RTL4: variants seen among roughly 807,000 people sequenced by gnomAD.
RTL4 encodes the protein retrotransposon Gag like 4.
A neutral mutation model predicts 5.3 loss-of-function variants in RTL4; 4 were observed. The ratio of observed to expected loss-of-function variants is 0.75; its 90% CI spans 0.37 to 1.72. RTL4 has a LOEUF of 1.72. Among genes scored for constraint, RTL4 ranks in the 40% most tolerant of loss-of-function variants. The pLI, the probability that RTL4 is intolerant of heterozygous loss-of-function variation, is 0.04. For missense variants in RTL4, 260 were observed against 227.1 expected (o/e 1.14, Z -0.93); for synonymous variants, 98 against 87.3 (o/e 1.12, Z -0.68).
At chrX:112,328,624 C>T in the RTL4 span, among the ~76,000 whole-genome samples, 1 of 111,189 alleles carries the variant, frequency 9.0e-6, no homozygotes, top group Non-Finnish European at 1.9e-5. Context: ...ACAAGGATAC[C>T]CAGGAATTGA....
the RTL4 span, among the ~76,000 whole-genome samples, chrX:112,102,691 T>C: frequency 1.8e-5 from 2 of 111,560 alleles, no homozygotes; most frequent in Non-Finnish European, 3.8e-5. Flanking sequence ...TCTATCCACT[T>C]ACCAAAGGAC....
At chrX:112,278,797 G>A in the RTL4 span, among the ~76,000 whole-genome samples, 1 of 110,423 alleles carries the variant, frequency 9.1e-6, no homozygotes, top group Non-Finnish European at 1.9e-5. Context: ...GGGAACAGAG[G>A]CTATACAAGG....
the RTL4 span, among the ~76,000 whole-genome samples, chrX:112,279,235 C>A: frequency 1.8e-5 from 2 of 111,109 alleles, no homozygotes; most frequent in Non-Finnish European, 3.8e-5. Flanking sequence ...AATTAGTGCC[C>A]AGCACAATGA....
the RTL4 span, among the ~76,000 whole-genome samples, chrX:112,104,593 G>A: frequency 1.2e-3 from 133 of 111,805 alleles, no homozygotes; most frequent in African/African-American, 4.1e-3. Flanking sequence ...AGCCATTGTA[G>A]CATGTGTGAG....
chrX:112,441,953 G>A, the RTL4 span, among the ~76,000 whole-genome samples: 1 of 111,971 alleles, frequency 8.9e-6, no homozygotes, highest in Non-Finnish European at 1.9e-5. Flanking sequence ...AAGAAATGAA[G>A]TACTGAGACA....
chrX:112,208,904 C>A, the RTL4 span, among the ~76,000 whole-genome samples: 12 of 112,401 alleles, frequency 1.1e-4, no homozygotes, highest in African/African-American at 3.2e-4. Context: ...TCTGTCCATA[C>A]TCTAAGACCT....
chrX:112,331,601 T>G, the RTL4 span, among the ~76,000 whole-genome samples: 32 of 106,421 alleles, frequency 3.0e-4, no homozygotes, highest in Admixed American at 4.1e-4. Context: ...TCAGTGTGGC[T>G]ATTCCTCAGG....
chrX:112,302,258 TA>T, the RTL4 span, among the ~76,000 whole-genome samples: 378 of 83,383 alleles, frequency 4.5e-3, 1 homozygote, highest in Middle Eastern at 0.013. Flanking sequence ...AAGACTCTGT[TA>T]AAAAAAAAAA....
the RTL4 span, among the ~76,000 whole-genome samples, chrX:112,222,099 A>T: frequency 1.8e-5 from 2 of 111,817 alleles, no homozygotes; most frequent in East Asian, 5.6e-4. Flanking sequence ...TGTCATGAAG[A>T]GCTAAGGACA....
At chrX:112,204,928 A>G in the RTL4 span, among the ~76,000 whole-genome samples, 4 of 111,766 alleles carry the variant, frequency 3.6e-5, no homozygotes. Context: ...CCCCATAAAT[A>G]TATACACATA....
the RTL4 span, among the ~76,000 whole-genome samples, chrX:112,224,219 T>C: frequency 2.4e-4 from 27 of 111,750 alleles, no homozygotes; most frequent in African/African-American, 8.8e-4. Flanking sequence ...ATAGCACAGC[T>C]TCATATTTTG....
At chrX:112,433,612 T>C in the RTL4 span, among the ~76,000 whole-genome samples, 1 of 55,402 alleles carries the variant, frequency 1.8e-5, no homozygotes, top group Non-Finnish European at 3.2e-5. Flanking sequence ...AAGTTGCTTA[T>C]CAGCTTAAGG....
chrX:112,330,836 C>T, the RTL4 span, among the ~76,000 whole-genome samples: 1 of 110,855 alleles, frequency 9.0e-6, no homozygotes. Flanking sequence ...AGAACAGAGC[C>T]CTCAAAAATA....
the RTL4 span, among the ~76,000 whole-genome samples, chrX:112,181,082 G>A: frequency 1.3e-4 from 14 of 111,798 alleles, no homozygotes; most frequent in African/African-American, 4.2e-4. Context: ...AAGGCGTCAG[G>A]GAACTCCCTC....
the RTL4 span, among the ~76,000 whole-genome samples, chrX:112,236,542 CAG>C: frequency 7.3e-5 from 7 of 96,420 alleles, no homozygotes; most frequent in Admixed American, 2.3e-4. Flanking sequence ...TCTGTGAAGA[CAG>C]AGTTTGAATG....
At chrX:112,319,267 T>A in the RTL4 span, among the ~76,000 whole-genome samples, 1 of 111,967 alleles carries the variant, frequency 8.9e-6, no homozygotes, top group African/African-American at 3.2e-5. Flanking sequence ...CTTCATGCAT[T>A]GTACAGTACC....
At chrX:112,250,112 TA>T in the RTL4 span, among the ~76,000 whole-genome samples, 3 of 108,650 alleles carry the variant, frequency 2.8e-5, no homozygotes, top group African/African-American at 1.0e-4. Flanking sequence ...CCGTCTCTAC[TA>T]AAAAAAATAC....
the RTL4 span, among the ~76,000 whole-genome samples, chrX:112,298,375 C>T: frequency 9.0e-6 from 1 of 111,721 alleles, no homozygotes; most frequent in Non-Finnish European, 1.9e-5. Flanking sequence ...AGAGAGACTA[C>T]CTGGGCATAG....
At chrX:112,231,449 A>G in the RTL4 span, among the ~76,000 whole-genome samples, 4 of 108,708 alleles carry the variant, frequency 3.7e-5, no homozygotes, top group Admixed American at 3.0e-4. Context: ...GGAAACCATC[A>G]TTCTCAGCAA....
Sources: gnomAD v4.1 joint callset for allele counts (sites outside exome capture counted in the v4.1 genomes callset) on GRCh38, gnomAD v4.1.1 for gene constraint, MANE v1.5 for transcripts, NCBI Gene and HGNC (gene_info 2026-07-23, HGNC 2026-07-21) for gene names.